The following RAPH1 variants were observed in gnomAD, a reference collection of about 807,000 sequenced individuals.
RAPH1 encodes Ras association (RalGDS/AF-6) and pleckstrin homology domains 1.
In RAPH1, 18 loss-of-function variants were observed where a neutral mutation model predicts 88.1. The observed-to-expected ratio is 0.20, with a 90% CI of 0.14 to 0.30. The LOEUF is 0.30. Ranked by LOEUF, RAPH1 falls within the 10% of genes least tolerant of loss-of-function variation. The pLI, the probability that RAPH1 is intolerant of heterozygous loss-of-function variation, is 1.00. For synonymous variants in RAPH1, 587 were observed against 559.0 expected (o/e 1.05, Z -0.71); for missense variants, 1,448 against 1,543.2 (o/e 0.94, Z 1.03).
intron 4 of RAPH1, among the ~76,000 whole-genome samples, chr2:203,474,377 T>C (rs1323104221): frequency 1.3e-5 from 2 of 152,198 alleles, no homozygotes; most frequent in African/African-American, 2.4e-5. Flanking sequence ...CATTCCACAA[T>C]TGTTAAATGT....
Position 203,492,316 on chromosome 2 carries a change from C to T in RAPH1, c.121-997G>A, listed in dbSNP as rs539077559. Among the ~76,000 whole-genome samples, 25 of 151,990 alleles carry T rather than the reference C, an allele frequency of 1.6e-4. No individual in the cohort carries two copies. The South Asian group carries it at 1.7e-3, about 10-fold the overall frequency. On this transcript the variant is annotated intron_variant, in intron 2 of 13. Transcript: ENST00000319170. ...ATTTGGTTTAGGTCCAGGAAAGCCT[C>T]GATCTTTGCTATATGAAGTACTCTG...
intron 10 of RAPH1, among the ~76,000 whole-genome samples, chr2:203,450,894 A>AT (rs776759623): frequency 0.028 from 4,077 of 148,004 alleles, 75 homozygotes; most frequent in Non-Finnish European, 0.042. Flanking sequence ...GCACAAAAAG[A>AT]GGGTTTTTTT....
chr2:203,503,057 T>C (rs1688810383), intron 1 of RAPH1, among the ~76,000 whole-genome samples: 1 of 152,038 alleles, frequency 6.6e-6, no homozygotes, highest in South Asian at 2.1e-4. Flanking sequence ...GGCAGGAGAA[T>C]CACTTGAATC....
chr2:203,441,572 C>G, intron 13 of RAPH1, 159 bp from the exon 14 acceptor site: 1 of 1,365,686 alleles, frequency 7.3e-7, no homozygotes. Flanking sequence ...TGGACAATGT[C>G]AGGAAGGCTA....
At chr2:203,470,334 A>G (rs1164298317) in intron 4 of RAPH1, 2 of 1,568,162 alleles carry the variant, frequency 1.3e-6, no homozygotes, top group African/African-American at 1.4e-5. Context: ...AAAGAGAAAA[A>G]CAAACAAAAA....
At position 203,436,680 on chromosome 2, in the gene RAPH1, G is replaced by GTCAA. The variant is rs2098498792; in HGVS notation, c.*2753_*2756dup. ...GCTGTTCACTTTTCAGTACAGCCAA[G>GTCAA]TCAACTGCACAGACTTGAAGCAGCC... is the stretch of plus-strand genomic sequence containing the variant. On this transcript the variant is annotated 3_prime_UTR_variant, in exon 14 of 14. Transcript: ENST00000319170. The GTCAA allele has an allele frequency of 6.6e-6, 1 of 152,242 alleles. No homozygotes were observed. Among genetic ancestry groups the GTCAA allele is most frequent in the Non-Finnish European group, 1.5e-5 (1 of 68,070 alleles). The allele number at this position is 152,242 out of a possible 1,614,324, so 9.4% of individuals were successfully genotyped here.
chr2:203,473,455 AG>A (rs1354275533), intron 4 of RAPH1, among the ~76,000 whole-genome samples: 1 of 152,130 alleles, frequency 6.6e-6, no homozygotes, highest in African/African-American at 2.4e-5. Flanking sequence ...TAAATTATGT[AG>A]TTTTAAAACT....
At chr2:203,455,362 T>C in intron 9 of RAPH1, 75 bp downstream of exon 9, 1 of 1,383,420 alleles carries the variant, frequency 7.2e-7, no homozygotes, top group Non-Finnish European at 1.0e-6. Context: ...TGGGTTCACC[T>C]TGTCAGCATA....
chr2:203,523,810 T>A (rs1052694800), intron 1 of RAPH1, among the ~76,000 whole-genome samples: 3 of 152,052 alleles, frequency 2.0e-5, no homozygotes, highest in Non-Finnish European at 4.4e-5. Flanking sequence ...ACCGAGACCA[T>A]CCTGGCTAAC....
intron 4 of RAPH1, among the ~76,000 whole-genome samples, chr2:203,474,281 G>A (rs1488431291): frequency 1.3e-5 from 2 of 152,108 alleles, no homozygotes; most frequent in Non-Finnish European, 1.5e-5. Flanking sequence ...GAAGAGGAGA[G>A]GGAGAGTTAC....
In RAPH1 at chr2:203,448,006, A is replaced by G; in HGVS notation, c.1586T>C (p.Leu529Ser). ...RTESAYDWTS[L>S]SSSSIKSGSS... Reference sequence around the variant, plus strand: ...TCCCGATTTAATGCTGGAGCTGGATAAGGAAGTCCAATCATAGGCTGACTC... The same window carrying G: ...TCCCGATTTAATGCTGGAGCTGGATGAGGAAGTCCAATCATAGGCTGACTC... The change falls in exon 12 of 14, where the codon TTA becomes TCA. Residue 529 changes from leucine (L) to serine (S), a missense_variant. This residue lies in a region of RAPH1 where 513 missense variants were observed against 653.1 expected (regional missense o/e 0.79). Transcript: ENST00000319170. The surrounding 1 kb of genome is among the most constrained non-coding windows in gnomAD (Gnocchi z 4.1). 1 of 1,613,934 alleles carries G rather than the reference A, an allele frequency of 6.2e-7. No individual in the cohort carries two copies. Among genetic ancestry groups the G allele is most frequent in the Non-Finnish European group, 8.5e-7 (1 of 1,179,882 alleles).
chr2:203,526,476 G>A (rs2105988967), intron 1 of RAPH1, among the ~76,000 whole-genome samples: 1 of 152,196 alleles, frequency 6.6e-6, no homozygotes, highest in Non-Finnish European at 1.5e-5. Flanking sequence ...TGTAATCCCA[G>A]CACTTTGCGA....
intron 12 of RAPH1, chr2:203,445,488 G>C (rs886645450): frequency 6.5e-6 from 1 of 153,622 alleles, no homozygotes; most frequent in African/African-American, 2.4e-5. Flanking sequence ...GCAATACTTA[G>C]AATTTGACCC....
chr2:203,492,233 CAAAA>C (rs547450219), intron 2 of RAPH1, among the ~76,000 whole-genome samples: 1 of 133,550 alleles, frequency 7.5e-6, no homozygotes. Flanking sequence ...GACTCAATCT[CAAAA>C]AAAAAAAAAA....
At chr2:203,498,243 AG>A (rs1688599151) in intron 1 of RAPH1, among the ~76,000 whole-genome samples, 1 of 152,200 alleles carries the variant, frequency 6.6e-6, no homozygotes, top group African/African-American at 2.4e-5. Flanking sequence ...CAGCAGCTTT[AG>A]TAACTTTAAT....
At chr2:203,528,904 A>C (rs1370193332) in intron 1 of RAPH1, among the ~76,000 whole-genome samples, 1 of 149,818 alleles carries the variant, frequency 6.7e-6, no homozygotes. Context: ...AATTAGAACA[A>C]ATTATATTTG....
In RAPH1 at chr2:203,440,640, G is replaced by A; in HGVS notation, c.2550C>T (p.Pro850=). 1 of 1,555,816 alleles carries A rather than the reference G, an allele frequency of 6.4e-7. No homozygotes were observed. The highest frequency in any genetic ancestry group is 8.7e-7 in the Non-Finnish European group (1 of 1,146,728). ...GCACCGGTGACAGTGGAGAGGGAGG[G>A]GGTTTTGCACAGAAGCTCTGTTGCT... ...LPKQQSFCAK[P]PPSPLSPVPS... is the part of the protein sequence containing the mutation. The change falls in exon 14 of 14, where the codon CCC becomes CCT. Residue 850 remains proline (P), a synonymous_variant. Coordinates refer to ENST00000319170, the MANE Select transcript of RAPH1 (RefSeq NM_213589.3).
In RAPH1 at chr2:203,461,210, C is replaced by T. The variant is rs755791158; in HGVS notation, c.970+39G>A. ...CAGCATGAAAACTGATGAAATTACA[C>T]AAAAATTAGAAAGCAATTAAAGCAA... On this transcript the variant is annotated intron_variant, in intron 6 of 13. Coordinates refer to ENST00000319170, the MANE Select transcript of RAPH1 (RefSeq NM_213589.3). 1.2e-5 allele frequency: 17 copies of T among 1,382,774 alleles called. No individual in the cohort carries two copies. The Middle Eastern group carries it at 1.1e-3, about 91-fold the overall frequency. 85.7% of individuals were successfully genotyped at this position (1,382,774 alleles called of 1,614,324 possible).
chr2:203,463,789 A>T (rs2098526179), intron 4 of RAPH1, among the ~76,000 whole-genome samples: 1 of 152,262 alleles, frequency 6.6e-6, no homozygotes, highest in Non-Finnish European at 1.5e-5. Flanking sequence ...TAGCAGAATT[A>T]TAAAACATGT....
Sources: gnomAD v4.1 joint callset for allele counts (sites outside exome capture counted in the v4.1 genomes callset) on GRCh38, gnomAD v4.1.1 for gene constraint, gnomAD v4.1.1 regional missense constraint, Gnocchi (gnomAD v3.1) non-coding constraint, MANE v1.5 for transcripts, NCBI Gene and HGNC (gene_info 2026-07-23, HGNC 2026-07-21) for gene names.